GAK: variants seen among roughly 807,000 people sequenced by gnomAD.
The protein encoded by GAK is cyclin-G-associated kinase.
GAK carries 79 observed loss-of-function variants against 143.9 expected under a neutral mutation model. The ratio of observed to expected loss-of-function variants is 0.55; its 90% CI spans 0.46 to 0.66. The LOEUF (loss-of-function observed/expected upper bound fraction) is 0.66. GAK is among the 30% of genes least tolerant of loss of function. The pLI is 0.00. For synonymous variants in GAK, 881 were observed against 765.5 expected (o/e 1.15, Z -2.49); for missense variants, 1,693 against 1,779.7 (o/e 0.95, Z 0.88).
chr4:920,561 T>TTTTTTTA (rs1577319252), intron 1 of GAK, among the ~76,000 whole-genome samples: 1 of 96,076 alleles, frequency 1.0e-5, no homozygotes, highest in African/African-American at 3.6e-5. Context: ...TTTTTTTTTT[T>TTTTTTTA]GAGACGGAGT....
In GAK at chr4:908,483, C is replaced by T. The variant is rs189140052; in HGVS notation, c.382+3190G>A. On this transcript the variant is annotated intron_variant, in intron 4 of 27. Coordinates refer to ENST00000314167, the MANE Select transcript of GAK (RefSeq NM_005255.4). Reference sequence around the variant, plus strand: ...TTCAAGACCAGCCTGGGCAACACAGCAAGACACCATCTCTACAAAAAATAC... The same window carrying T: ...TTCAAGACCAGCCTGGGCAACACAGTAAGACACCATCTCTACAAAAAATAC... Among the ~76,000 whole-genome samples the T allele has an allele frequency of 1.2e-4, 19 of 152,308 alleles. No individual in the cohort carries two copies. In the East Asian group the frequency reaches 3.7e-3, roughly 29 times the overall value.
chr4:862,284 C>T (rs1307297713), intron 23 of GAK, among the ~76,000 whole-genome samples: 4 of 152,132 alleles, frequency 2.6e-5, no homozygotes, highest in Non-Finnish European at 5.9e-5. Context: ...AAGTCATCCG[C>T]TAAGATCCGG....
chr4:862,639 CAA>C (rs1187047722), intron 23 of GAK, among the ~76,000 whole-genome samples: 3 of 140,782 alleles, frequency 2.1e-5, no homozygotes, highest in African/African-American at 5.3e-5. Context: ...GCCTGGGCGA[CAA>C]AGAGAGACTC....
chr4:883,896 G>C (rs765362217), intron 12 of GAK, 141 bp downstream of exon 12: 6 of 809,150 alleles, frequency 7.4e-6, no homozygotes, highest in Non-Finnish European at 1.2e-5. Flanking sequence ...GCCTGCCAAG[G>C]GGCCCCAGGT....
At position 881,986 on chromosome 4, in the gene GAK, G is replaced by A; in HGVS notation, c.1582C>T (p.Leu528Phe). 1 of 1,605,796 alleles carries A rather than the reference G, an allele frequency of 6.2e-7. No homozygotes were observed. Among genetic ancestry groups the A allele is most frequent in the Non-Finnish European group, 8.5e-7 (1 of 1,176,560 alleles). Residue 528 changes from leucine (L) to phenylalanine (F), a missense_variant, in exon 15 of 28, where the codon CTC becomes TTC. Coordinates refer to ENST00000314167, the MANE Select transcript of GAK (RefSeq NM_005255.4). ...AVCSFLCFCR[L>F]FSTAEAAVYM... ...ACGGCGGCCTCCGCGGTGCTGAAGA[G>A]ACGGCAGAAGCACAGGAAGGAGCAG...
chr4:849,825 C>CGGGGGGG, intron 27 of GAK, 51 bp from the exon 28 acceptor site: 5 of 1,229,732 alleles, frequency 4.1e-6, no homozygotes, highest in Non-Finnish European at 5.6e-6. Context: ...CGGGGGCGGG[C>CGGGGGGG]GGGGCAGGAC....
Position 904,768 on chromosome 4 carries a change from C to T in GAK, c.394G>A (p.Glu132Lys). 6.2e-7 allele frequency: 1 copy of T among 1,614,020 alleles called. No homozygotes were observed. The highest frequency in any genetic ancestry group is 8.5e-7 in the Non-Finnish European group (1 of 1,179,942). The change falls in exon 5 of 28, where the codon GAA becomes AAA. Residue 132 changes from glutamate (E) to lysine (K), a missense_variant. Physicochemically the swap from Glu to Lys is moderately conservative, Grantham distance 56 (BLOSUM62 1). Transcript: ENST00000314167. The part of the protein sequence containing the change: ...LTELCKGQLV[E>K]FLKKMESRGP... The stretch of plus-strand genomic sequence containing the variant: ...CGAGATTCCATTTTCTTCAAAAATT[C>T]CACCAGCTGCCCTAAAAGAGAATGA...
At chr4:882,071 C>T in intron 14 of GAK, 31 bp from the exon 15 acceptor site, 1 of 1,571,266 alleles carries the variant, frequency 6.4e-7, no homozygotes, top group Non-Finnish European at 8.6e-7. Context: ...TCGCGTGCGC[C>T]TCGCACTCAT....
rs753498500 is a variant in GAK at position 876,518 on chromosome 4, G to A, written c.2054+12C>T. ...TGTCCCTCCCCACCGAGCACAAGCGGTACCAACGTACTTGGCAAATTTCAC... is the reference window on the plus strand; with the variant it reads ...TGTCCCTCCCCACCGAGCACAAGCGATACCAACGTACTTGGCAAATTTCAC... On this transcript the variant is annotated intron_variant, in intron 18 of 27. Transcript: ENST00000314167. 1 of 1,612,472 alleles carries A rather than the reference G, an allele frequency of 6.2e-7. No homozygotes were observed. Among genetic ancestry groups the A allele is most frequent in the Non-Finnish European group, 8.5e-7 (1 of 1,178,512 alleles).
chr4:897,180 C>G (rs748138015), intron 6 of GAK, among the ~76,000 whole-genome samples: 1 of 152,194 alleles, frequency 6.6e-6, no homozygotes, highest in Non-Finnish European at 1.5e-5. Context: ...GGCAGACACA[C>G]AAACCCCATC....
chr4:852,017 G>A, intron 24 of GAK, 43 bp from the exon 25 acceptor site: 2 of 1,476,966 alleles, frequency 1.4e-6, no homozygotes, highest in Non-Finnish European at 1.9e-6. Flanking sequence ...GGTTGTCCAT[G>A]AGGGGCAACT....
At chr4:918,827 G>A (rs553680566) in intron 1 of GAK, among the ~76,000 whole-genome samples, 6 of 151,166 alleles carry the variant, frequency 4.0e-5, no homozygotes, top group Admixed American at 3.3e-4. Flanking sequence ...TAGAAAGGCA[G>A]AAGGCTCCAA....
In GAK at chr4:859,140, C is replaced by T. The variant is rs962062528; in HGVS notation, c.3283+466G>A. ...GAAGCCACAGCGCCCGGGGCCGGGCCTGAGGCAGACGTGGGACCGGAGACT... is the reference window on the plus strand; with the variant it reads ...GAAGCCACAGCGCCCGGGGCCGGGCTTGAGGCAGACGTGGGACCGGAGACT... On this transcript the variant is annotated intron_variant, in intron 24 of 27. Coordinates refer to ENST00000314167, the MANE Select transcript of GAK (RefSeq NM_005255.4). The T allele has an allele frequency of 4.1e-6, 4 of 983,366 alleles. No individual in the cohort carries two copies. The African/African-American group carries it at 7.0e-5, about 17-fold the overall frequency. The allele number at this position is 983,366 out of a possible 1,614,324, so 60.9% of individuals were successfully genotyped here. A position where few individuals can be genotyped will look rare whatever the true frequency, so the allele number is the denominator to read the frequency against.
intron 1 of GAK, among the ~76,000 whole-genome samples, chr4:921,441 T>C (rs1723915600): frequency 6.6e-6 from 1 of 152,142 alleles, no homozygotes; most frequent in African/African-American, 2.4e-5. Flanking sequence ...CCATGGAAGA[T>C]CCACAAATGG....
chr4:903,274 C>T (rs28561557), intron 5 of GAK, among the ~76,000 whole-genome samples: 4,016 of 151,876 alleles, frequency 0.026, 176 homozygotes, highest in African/African-American at 0.092. Context: ...CACGCCAACC[C>T]CGGGATGCCA....
In GAK at chr4:884,300, A is replaced by ATGACAG. The variant is rs1166674823; in HGVS notation, c.1206-220_1206-215dup. ...ACCCCTACATCAGAAACGGATGGAAATGACAGCCTGCAGCTGGTGGAGGCA... is the reference window on the plus strand; with the variant it reads ...ACCCCTACATCAGAAACGGATGGAAATGACAGTGACAGCCTGCAGCTGGTGGAGGCA... On this transcript the variant is annotated intron_variant, in intron 11 of 27. Transcript: ENST00000314167. 7.1e-5 allele frequency: 39 copies of ATGACAG among 549,250 alleles called. 1 individual carries two copies. In the South Asian group the frequency reaches 8.2e-4, roughly 12 times the overall value. The allele number at this position is 549,250 out of a possible 1,614,324, so 34.0% of individuals were successfully genotyped here.
intron 3 of GAK, 200 bp downstream of exon 3, chr4:912,535 T>C: frequency 3.8e-6 from 2 of 528,476 alleles, no homozygotes; most frequent in South Asian, 2.4e-5. Context: ...ACTATTACCC[T>C]GGCAGTAAAA....
intron 14 of GAK, 67 bp downstream of exon 14, chr4:882,629 TG>T: frequency 6.3e-7 from 1 of 1,575,808 alleles, no homozygotes; most frequent in Non-Finnish European, 8.6e-7. Flanking sequence ...GCTCAGATCC[TG>T]TTGAACTATG....
chr4:923,229 C>T (rs142442487), intron 1 of GAK, among the ~76,000 whole-genome samples: 3,462 of 152,270 alleles, frequency 0.023, 65 homozygotes, highest in Non-Finnish European at 0.036. Flanking sequence ...CATCTTTTCT[C>T]ACAGCCGCGT....
Sources: allele counts gnomAD v4.1 joint callset (sites outside exome capture counted in the v4.1 genomes callset), GRCh38; gene constraint gnomAD v4.1.1; transcripts MANE v1.5; gene names NCBI Gene and HGNC (gene_info 2026-07-23, HGNC 2026-07-21).